The following BEND7 variants were observed in gnomAD, a reference collection of about 807,000 sequenced individuals.
BEND7 encodes BEN domain-containing protein 7.
Under a neutral mutation model 50.9 loss-of-function variants are expected in BEND7, and 28 were observed. That is an observed-to-expected ratio of 0.55 (90% CI 0.41 to 0.75). The LOEUF (loss-of-function observed/expected upper bound fraction) is 0.75. Among genes scored for constraint, BEND7 ranks in the 30% least tolerant of loss-of-function variants. BEND7 has a pLI of 0.00. For synonymous variants in BEND7, 170 were observed against 183.9 expected, an observed-to-expected ratio of 0.92 and a Z score of 0.61; for missense variants, 477 against 491.3, an observed-to-expected ratio of 0.97 and a Z score of 0.28.
At chr10:13,471,840 T>TA (rs1270555466) in intron 6 of BEND7, among the ~76,000 whole-genome samples, 2 of 152,244 alleles carry the variant, frequency 1.3e-5, no homozygotes, top group Non-Finnish European at 2.9e-5. Context: ...GTACAGTTGA[T>TA]ACCCACCATC....
intron 6 of BEND7, among the ~76,000 whole-genome samples, chr10:13,475,678 G>C (rs1488596767): frequency 6.9e-6 from 1 of 145,692 alleles, no homozygotes; most frequent in Non-Finnish European, 1.5e-5. Flanking sequence ...GAAATCATCT[G>C]TATTTCCTAG....
At chr10:13,507,389 G>A (rs557620651) in intron 2 of BEND7, among the ~76,000 whole-genome samples, 10 of 152,252 alleles carry the variant, frequency 6.6e-5, no homozygotes, top group South Asian at 2.1e-4. Flanking sequence ...GACACAGGGC[G>A]TCTGAAAGAA....
At chr10:13,516,276 C>A (rs1472969621) in intron 2 of BEND7, among the ~76,000 whole-genome samples, 3 of 152,148 alleles carry the variant, frequency 2.0e-5, no homozygotes, top group African/African-American at 7.2e-5. Flanking sequence ...GAGCACATGC[C>A]AGGGCCCTGG....
intron 2 of BEND7, among the ~76,000 whole-genome samples, chr10:13,502,150 C>T (rs896246341): frequency 1.3e-5 from 2 of 151,982 alleles, no homozygotes; most frequent in African/African-American, 4.8e-5. Flanking sequence ...ATAACCTAGC[C>T]GTTTTGTGCT....
chr10:13,447,224 A>G lies in BEND7; in HGVS notation c.1234+42T>C, dbSNP rs372306955. 3.1e-5 allele frequency: 50 copies of G among 1,605,784 alleles called. No homozygotes were observed. The Middle Eastern group carries it at 4.9e-4, about 16-fold the overall frequency. The stretch of plus-strand genomic sequence containing the variant: ...CAATGCAAATAGTTTTGTGGGCTGT[A>G]TTTTCCAGGAGGTGATGAAAATGTA... On this transcript the variant is annotated intron_variant, in intron 8 of 8. Transcript: ENST00000466271.
At chr10:13,464,965 C>A (rs1453531218) in intron 6 of BEND7, among the ~76,000 whole-genome samples, 1 of 152,192 alleles carries the variant, frequency 6.6e-6, no homozygotes, top group Admixed American at 6.5e-5. Flanking sequence ...CAGGTCTCAA[C>A]TGAGACGTGA....
At chr10:13,502,917 A>AGAAGG in intron 2 of BEND7, 1 of 985,428 alleles carries the variant, frequency 1.0e-6, no homozygotes, top group Non-Finnish European at 1.2e-6. Flanking sequence ...ACATCACAGG[A>AGAAGG]GAAGGGATGT....
Position 13,444,527 on chromosome 10 carries a change from G to C in BEND7, c.1234+2739C>G, listed in dbSNP as rs551682979. On this transcript the variant is annotated intron_variant, in intron 8 of 8. Transcript: ENST00000466271. ...GTTGAATCTTTAAAAAGAACTAACT[G>C]TTGCTAGCTCAGATAAATGGGATAA... is the stretch of plus-strand genomic sequence containing the variant. 1.2e-4 allele frequency: 18 copies of C among 152,278 alleles called. 3 individuals carry two copies. The South Asian group carries it at 3.7e-3, about 32-fold the overall frequency. 9.4% of individuals were successfully genotyped at this position (152,278 alleles called of 1,614,324 possible). A position where few individuals can be genotyped will look rare whatever the true frequency, so the allele number is the denominator to read the frequency against.
chr10:13,526,747 T>G (rs1472465442), intron 1 of BEND7, among the ~76,000 whole-genome samples: 1 of 152,226 alleles, frequency 6.6e-6, no homozygotes, highest in East Asian at 1.9e-4. Context: ...AAAGCAAGAT[T>G]TTCATCTTTC....
intron 5 of BEND7, among the ~76,000 whole-genome samples, chr10:13,487,535 C>G (rs528429954): frequency 6.6e-6 from 1 of 151,806 alleles, no homozygotes; most frequent in Non-Finnish European, 1.5e-5. Flanking sequence ...TACAGGCATG[C>G]GCCACCACGC....
At chr10:13,452,833 C>T (rs1048698753) in intron 6 of BEND7, among the ~76,000 whole-genome samples, 175 bp from the exon 7 acceptor site, 2 of 152,126 alleles carry the variant, frequency 1.3e-5, no homozygotes, top group African/African-American at 4.8e-5. Flanking sequence ...ATTGACAGGT[C>T]CTGGGTAGGT....
intron 2 of BEND7, among the ~76,000 whole-genome samples, chr10:13,518,823 C>G (rs1039267851): frequency 2.0e-5 from 3 of 152,320 alleles, no homozygotes; most frequent in Non-Finnish European, 4.4e-5. Flanking sequence ...AATAAATCTT[C>G]AGAGTCCTAA....
chr10:13,487,954 A>G (rs956736351), intron 5 of BEND7, among the ~76,000 whole-genome samples: 1 of 151,844 alleles, frequency 6.6e-6, no homozygotes, highest in Non-Finnish European at 1.5e-5. Flanking sequence ...TTAGTTGGGC[A>G]TGGTGGCAGG....
At chr10:13,456,212 G>C (rs983296060) in intron 6 of BEND7, among the ~76,000 whole-genome samples, 4 of 152,198 alleles carry the variant, frequency 2.6e-5, no homozygotes, top group Non-Finnish European at 5.9e-5. Context: ...AGATCAGGGA[G>C]TGCAGGTGTC....
At chr10:13,459,874 G>A (rs1839855626) in intron 6 of BEND7, 1 of 152,278 alleles carries the variant, frequency 6.6e-6, no homozygotes, top group Non-Finnish European at 1.5e-5. Context: ...TGTGAACGTG[G>A]AGAAAGATCA....
intron 2 of BEND7, among the ~76,000 whole-genome samples, chr10:13,510,604 C>T (rs1164154812): frequency 6.6e-6 from 1 of 152,130 alleles, no homozygotes; most frequent in Non-Finnish European, 1.5e-5. Flanking sequence ...CTTCTAGAGT[C>T]ATTTGGAATT....
At position 13,492,654 on chromosome 10, in the gene BEND7, C is replaced by T. The variant is rs756398561; in HGVS notation, c.794G>A (p.Arg265His). ...AAEHTSPEESRVLGFGIVLES... is the reference protein window; with the variant it reads ...AAEHTSPEESHVLGFGIVLES... ...CAGAACAATGCCGAATCCTAGAACG[C>T]GGCTCTCCTCCGGGGAGGTGTGCTC... The change falls in exon 5 of 9, where the codon CGC (arginine) becomes CAC (histidine). Residue 265 changes from arginine to histidine, a missense_variant. By Grantham distance (29) the Arg-to-His change is conservative. Around this residue, in one of 3 missense-constraint regions of BEND7, gnomAD observed 396 missense variants for 384.2 expected, o/e 1.03. Transcript: ENST00000466271. 68 of 1,613,860 alleles carry T rather than the reference C, an allele frequency of 4.2e-5. No homozygotes were observed. The highest frequency in any genetic ancestry group is 1.9e-4 in the African/African-American group (14 of 74,920).
chr10:13,472,056 C>T (rs527620011), intron 6 of BEND7, among the ~76,000 whole-genome samples: 1,622 of 151,488 alleles, frequency 0.011, 9 homozygotes, highest in Non-Finnish European at 0.017. Context: ...CTGTTAGACT[C>T]GGGGTCGATA....
Position 13,449,960 on chromosome 10 carries a change from T to C in BEND7, c.1183+2579A>G, listed in dbSNP as rs186560199. ...ATCAAGTTGGTAAATTTGGAAAAGA[T>C]TGAGCAAGTCCAATAAACATTTAAC... On this transcript the variant is annotated intron_variant, in intron 7 of 8. Transcript: ENST00000466271. Among the ~76,000 whole-genome samples the C allele has an allele frequency of 7.2e-5, 11 of 152,318 alleles. 1 individual carries two copies. Among genetic ancestry groups the C allele is most frequent in the African/African-American group, 1.4e-4 (6 of 41,562 alleles).
Sources: gnomAD v4.1 joint callset for allele counts (sites outside exome capture counted in the v4.1 genomes callset) on GRCh38, gnomAD v4.1.1 for gene constraint, gnomAD v4.1.1 regional missense constraint, MANE v1.5 for transcripts, NCBI Gene and HGNC (gene_info 2026-07-23, HGNC 2026-07-21) for gene names.